PDE3A: variants seen among roughly 807,000 people sequenced by gnomAD.
PDE3A encodes the protein cGMP-inhibited 3',5'-cyclic phosphodiesterase 3A.
PDE3A carries 43 observed loss-of-function variants against 98.3 expected under a neutral mutation model. The ratio of observed to expected loss-of-function variants is 0.44; its 90% CI spans 0.34 to 0.56. The LOEUF is 0.56. Ranked by LOEUF, PDE3A falls within the 20% of genes least tolerant of loss-of-function variation. The pLI, the probability that PDE3A is intolerant of heterozygous loss-of-function variation, is 0.01. For synonymous variants in PDE3A, 663 were observed against 567.9 expected (o/e 1.17, Z -2.38); for missense variants, 1,427 against 1,440.7 (o/e 0.99, Z 0.15).
intron 1 of PDE3A, among the ~76,000 whole-genome samples, chr12:20,391,493 C>G (rs1478095123): frequency 6.6e-6 from 1 of 151,112 alleles, no homozygotes; most frequent in Non-Finnish European, 1.5e-5. Flanking sequence ...ATTCTTTGCT[C>G]ACATAGTTAA....
intron 15 of PDE3A, among the ~76,000 whole-genome samples, chr12:20,667,413 T>A (rs1392319597): frequency 6.6e-6 from 1 of 152,186 alleles, no homozygotes; most frequent in Non-Finnish European, 1.5e-5. Context: ...TTTTTGGTCT[T>A]ACTTAAGTCT....
chr12:20,432,348 G>C (rs993887941), intron 1 of PDE3A, among the ~76,000 whole-genome samples: 1 of 152,274 alleles, frequency 6.6e-6, no homozygotes. Context: ...TACAGTTTTG[G>C]TTATGCAAGA....
intron 1 of PDE3A, among the ~76,000 whole-genome samples, chr12:20,521,473 C>T (rs1337972134): frequency 1.3e-5 from 2 of 152,050 alleles, no homozygotes. Flanking sequence ...AACATGTACA[C>T]TGTCTTATCA....
At chr12:20,668,312 A>G (rs1945375640) in intron 15 of PDE3A, among the ~76,000 whole-genome samples, 1 of 152,240 alleles carries the variant, frequency 6.6e-6, no homozygotes, top group African/African-American at 2.4e-5. Context: ...AGGTAAACAA[A>G]GCAGCCAGGA....
At position 20,552,235 on chromosome 12, in the gene PDE3A, G is replaced by C. The variant is rs947972741; in HGVS notation, c.961-4425G>C. The C allele has an allele frequency of 1.1e-4, 178 of 1,613,878 alleles. No individual in the cohort carries two copies. Among genetic ancestry groups the C allele is most frequent in the Non-Finnish European group, 1.4e-4 (165 of 1,179,898 alleles). ...GCGGTCGGGGAAGCCGGTCAGGGTG[G>C]TGCGCAATGTCAAGGGTGGCAAGAA... On this transcript the variant is annotated intron_variant, in intron 1 of 15. Transcript: ENST00000359062. This position sits in a 1 kb window ranked among gnomAD's most constrained non-coding sequence, Gnocchi z 5.1.
chr12:20,685,639 A>G lies in PDE3A; in HGVS notation c.*5368A>G, dbSNP rs1945940756. On this transcript the variant is annotated 3_prime_UTR_variant, in exon 16 of 16. Transcript: ENST00000359062. ...GTTTAAGTCTCTAAAAGGAATCCAC[A>G]TTTTCTTTCCAGATACAGCTAGTTT... Among the ~76,000 whole-genome samples the G allele has an allele frequency of 1.3e-5, 2 of 152,030 alleles. No individual in the cohort carries two copies. Among genetic ancestry groups the G allele is most frequent in the Non-Finnish European group, 2.9e-5 (2 of 67,984 alleles).
intron 5 of PDE3A, among the ~76,000 whole-genome samples, chr12:20,628,253 G>A (rs142072437): frequency 1.3e-5 from 2 of 152,224 alleles, no homozygotes; most frequent in African/African-American, 4.8e-5. Flanking sequence ...TACATTGACT[G>A]GGAAATTCTG....
chr12:20,461,788 G>C lies in PDE3A; in HGVS notation c.960+91544G>C, dbSNP rs531861385. Among the ~76,000 whole-genome samples the C allele has an allele frequency of 7.2e-5, 11 of 152,264 alleles. No individual in the cohort carries two copies. The South Asian group carries it at 2.3e-3, about 32-fold the overall frequency. On this transcript the variant is annotated intron_variant, in intron 1 of 15. Transcript: ENST00000359062. ...GAATTTTTCCCAGTTGGTTTACCAA[G>C]TGCGTAAGAATCAGATATCAGTAAA...
chr12:20,629,149 A>C (rs1944325306), intron 5 of PDE3A, among the ~76,000 whole-genome samples: 1 of 152,206 alleles, frequency 6.6e-6, no homozygotes, highest in South Asian at 2.1e-4. Flanking sequence ...GAGTAACTTC[A>C]AAAGACATCG....
intron 2 of PDE3A, among the ~76,000 whole-genome samples, chr12:20,560,193 G>A (rs569577782): frequency 3.2e-4 from 49 of 152,162 alleles, no homozygotes; most frequent in Non-Finnish European, 4.7e-4. Flanking sequence ...GTTTGGGAAT[G>A]CTAATCATAC....
rs915877798 is a variant in PDE3A at position 20,687,725 on chromosome 12, A to G, written c.*7454A>G. Among the ~76,000 whole-genome samples, 2 of 151,982 alleles carry G rather than the reference A, an allele frequency of 1.3e-5. No individual in the cohort carries two copies. The highest frequency in any genetic ancestry group is 2.9e-5 in the Non-Finnish European group (2 of 67,936). ...AAATATTTGAAAGCTCTCAATGCAA[A>G]ATAATAAAAATGAGATTCTCCCTGG... On this transcript the variant is annotated 3_prime_UTR_variant, in exon 16 of 16. Coordinates refer to ENST00000359062, the MANE Select transcript of PDE3A (RefSeq NM_000921.5).
chr12:20,615,195 C>T (rs576554495), intron 3 of PDE3A, among the ~76,000 whole-genome samples: 6 of 151,946 alleles, frequency 3.9e-5, no homozygotes, highest in Admixed American at 1.3e-4. Context: ...TGAGCCACTG[C>T]GCCTGGCCCA....
intron 1 of PDE3A, among the ~76,000 whole-genome samples, chr12:20,503,003 A>G (rs1591995174): frequency 6.6e-6 from 1 of 152,184 alleles, no homozygotes; most frequent in East Asian, 1.9e-4. Flanking sequence ...ATCTCGTTGG[A>G]TTATTGTGAA....
chr12:20,379,590 T>C (rs1765348438), intron 1 of PDE3A, among the ~76,000 whole-genome samples: 1 of 151,912 alleles, frequency 6.6e-6, no homozygotes, highest in Admixed American at 6.6e-5. Context: ...GTGTCTTGCT[T>C]ATTGTAAGTG....
chr12:20,400,971 C>T (rs1944118855), intron 1 of PDE3A, among the ~76,000 whole-genome samples: 1 of 152,042 alleles, frequency 6.6e-6, no homozygotes, highest in Non-Finnish European at 1.5e-5. Flanking sequence ...GTAATTTACC[C>T]AAAGTCTCAC....
At chr12:20,444,302 G>T (rs952787793) in intron 1 of PDE3A, among the ~76,000 whole-genome samples, 3 of 152,052 alleles carry the variant, frequency 2.0e-5, no homozygotes, top group Non-Finnish European at 4.4e-5. Context: ...ATGTGCCTTA[G>T]ACCTGTCTTC....
At chr12:20,459,838 A>G (rs1410518937) in intron 1 of PDE3A, among the ~76,000 whole-genome samples, 2 of 152,196 alleles carry the variant, frequency 1.3e-5, no homozygotes, top group Admixed American at 6.6e-5. Flanking sequence ...AATTACAGTG[A>G]TAACAGAAGG....
At chr12:20,424,504 T>G (rs1339854720) in intron 1 of PDE3A, among the ~76,000 whole-genome samples, 1 of 152,234 alleles carries the variant, frequency 6.6e-6, no homozygotes, top group Non-Finnish European at 1.5e-5. Flanking sequence ...ATTGTATTTT[T>G]ATAAAAATTT....
At chr12:20,554,180 T>G (rs967159255) in intron 1 of PDE3A, among the ~76,000 whole-genome samples, 1 of 151,648 alleles carries the variant, frequency 6.6e-6, no homozygotes, top group African/African-American at 2.4e-5. Flanking sequence ...CAGGGATATT[T>G]TAAATCACAT....
Sources: allele counts gnomAD v4.1 joint callset (sites outside exome capture counted in the v4.1 genomes callset), GRCh38; gene constraint gnomAD v4.1.1; non-coding constraint Gnocchi (gnomAD v3.1); transcripts MANE v1.5; gene names NCBI Gene and HGNC (gene_info 2026-07-23, HGNC 2026-07-21).